The following MAP3K9 variants were observed in gnomAD, a reference collection of about 807,000 sequenced individuals.
MAP3K9 encodes mitogen-activated protein kinase kinase kinase 9, also known as mixed lineage kinase 1 (tyr and ser/thr specificity).
Under a neutral mutation model 95.8 loss-of-function variants are expected in MAP3K9, and 46 were observed. The ratio of observed to expected loss-of-function variants is 0.48; its 90% confidence interval spans 0.38 to 0.61. The LOEUF (loss-of-function observed/expected upper bound fraction) is 0.61. MAP3K9 is among the 20% of genes least tolerant of loss of function. The pLI, the probability that MAP3K9 is intolerant of heterozygous loss-of-function variation, is 0.00. For missense variants in MAP3K9, 1,296 were observed against 1,474.3 expected, an observed-to-expected ratio of 0.88 and a Z score of 1.98; for synonymous variants, 533 against 593.8, an observed-to-expected ratio of 0.90 and a Z score of 1.49.
intron 2 of MAP3K9, among the ~76,000 whole-genome samples, chr14:70,783,748 T>G (rs1251917605): frequency 6.6e-6 from 1 of 152,220 alleles, no homozygotes; most frequent in Non-Finnish European, 1.5e-5. Flanking sequence ...TGCTCACGCA[T>G]GGTCCATTTG....
chr14:70,760,414 A>C (rs1054824720), intron 3 of MAP3K9, among the ~76,000 whole-genome samples: 3 of 152,176 alleles, frequency 2.0e-5, no homozygotes, highest in Non-Finnish European at 4.4e-5. Flanking sequence ...GCGGCTTTGC[A>C]GTTCTGGGCA....
chr14:70,808,398 C>A (rs1205571687), intron 1 of MAP3K9, among the ~76,000 whole-genome samples: 1 of 134,380 alleles, frequency 7.4e-6, no homozygotes, highest in Non-Finnish European at 1.5e-5. Flanking sequence ...CACTAACCAC[C>A]ATCTTGCCAT....
In MAP3K9 at chr14:70,732,896, G is replaced by C. The variant is rs2053929181; in HGVS notation, c.2473C>G (p.Leu825Val). 1.2e-6 allele frequency: 2 copies of C among 1,613,776 alleles called. No homozygotes were observed. Among genetic ancestry groups the C allele is most frequent in the African/African-American group, 1.3e-5 (1 of 74,914 alleles). ...GTCAGGGAGGCAGAGGGGTCTCCTAGCAACAGCATGGGCTCCTCCTTCTTG... is the reference window on the plus strand; with the variant it reads ...GTCAGGGAGGCAGAGGGGTCTCCTACCAACAGCATGGGCTCCTCCTTCTTG... ...LFKKEEPMLL[L>V]GDPSASLTLL... The change falls in exon 11 of 12, where the codon CTA becomes GTA. Residue 825 changes from leucine (L) to valine (V), a missense_variant. Leu to Val is a conservative substitution (Grantham distance 32). Coordinates refer to ENST00000554752, the MANE Select transcript of MAP3K9 (RefSeq NM_001284230.2).
intron 2 of MAP3K9, chr14:70,783,270 GA>G: frequency 3.2e-6 from 3 of 943,684 alleles, no homozygotes; most frequent in Non-Finnish European, 3.8e-6. Context: ...GGTAAGGTGG[GA>G]AGGAAGACGG....
intron 3 of MAP3K9, among the ~76,000 whole-genome samples, chr14:70,750,889 T>C (rs185765376): frequency 6.6e-6 from 1 of 152,304 alleles, no homozygotes; most frequent in Admixed American, 6.5e-5. Context: ...CACAGATACA[T>C]TTTTTCCCCC....
At chr14:70,779,207 G>A (rs1368107180) in intron 2 of MAP3K9, among the ~76,000 whole-genome samples, 1 of 152,234 alleles carries the variant, frequency 6.6e-6, no homozygotes, top group Admixed American at 6.5e-5. Flanking sequence ...TACAGACCCT[G>A]CCAAGGAACT....
intron 2 of MAP3K9, among the ~76,000 whole-genome samples, chr14:70,768,276 C>G (rs990602222): frequency 2.6e-5 from 4 of 151,542 alleles, no homozygotes; most frequent in Non-Finnish European, 5.9e-5. Flanking sequence ...AATATATACA[C>G]CTATTATGTA....
intron 2 of MAP3K9, among the ~76,000 whole-genome samples, chr14:70,786,091 T>TC: frequency 6.6e-6 from 1 of 152,290 alleles, no homozygotes; most frequent in African/African-American, 2.4e-5. Context: ...TAATCTTAAG[T>TC]CATCTGAAGC....
chr14:70,803,273 T>C (rs578074007), intron 1 of MAP3K9, among the ~76,000 whole-genome samples: 1 of 147,546 alleles, frequency 6.8e-6, no homozygotes, highest in South Asian at 2.1e-4. Flanking sequence ...CAGGTATTCC[T>C]TCATAGCAAT....
At position 70,732,894 on chromosome 14, in the gene MAP3K9, T is replaced by C. The variant is rs2053929079; in HGVS notation, c.2475A>G (p.Leu825=). The C allele has an allele frequency of 1.2e-6, 2 of 1,613,818 alleles. No homozygotes were observed. Among genetic ancestry groups the C allele is most frequent in the Non-Finnish European group, 8.5e-7 (1 of 1,179,804 alleles). ...GCGTCAGGGAGGCAGAGGGGTCTCC[T>C]AGCAACAGCATGGGCTCCTCCTTCT... The part of the protein sequence containing the change: ...LFKKEEPMLL[L]GDPSASLTLL... Residue 825 remains leucine (L), a synonymous_variant, in exon 11 of 12, where the codon CTA becomes CTG. Coordinates refer to ENST00000554752, the MANE Select transcript of MAP3K9 (RefSeq NM_001284230.2).
intron 3 of MAP3K9, among the ~76,000 whole-genome samples, chr14:70,752,051 C>T (rs894337664): frequency 6.6e-6 from 1 of 152,182 alleles, no homozygotes; most frequent in African/African-American, 2.4e-5. Flanking sequence ...CAGATGACGG[C>T]TTTACCCCAG....
At chr14:70,770,907 C>T (rs551830322) in intron 2 of MAP3K9, among the ~76,000 whole-genome samples, 9 of 152,154 alleles carry the variant, frequency 5.9e-5, no homozygotes, top group African/African-American at 9.6e-5. Flanking sequence ...AGAAAGGACG[C>T]GTAGGAGGTA....
chr14:70,748,306 C>G (rs1340395491), intron 5 of MAP3K9, among the ~76,000 whole-genome samples: 2 of 151,990 alleles, frequency 1.3e-5, no homozygotes, highest in East Asian at 3.9e-4. Flanking sequence ...GCCACCAAAA[C>G]AAAAAAGCAG....
chr14:70,780,384 T>C (rs1029158124), intron 2 of MAP3K9, among the ~76,000 whole-genome samples: 2 of 152,186 alleles, frequency 1.3e-5, no homozygotes, highest in African/African-American at 2.4e-5. Flanking sequence ...CAACTTTCTA[T>C]GGGAACTTCA....
chr14:70,791,317 G>A (rs2054804715), intron 2 of MAP3K9, among the ~76,000 whole-genome samples: 3 of 152,114 alleles, frequency 2.0e-5, no homozygotes, highest in Admixed American at 2.0e-4. Context: ...ACAAGCTTCT[G>A]CTCCAACTCC....
At chr14:70,748,493 G>A (rs2054180189) in intron 5 of MAP3K9, among the ~76,000 whole-genome samples, 1 of 152,184 alleles carries the variant, frequency 6.6e-6, no homozygotes, top group African/African-American at 2.4e-5. Flanking sequence ...TATCCTCAAG[G>A]TTGAAGTATC....
chr14:70,772,121 G>T, intron 2 of MAP3K9, among the ~76,000 whole-genome samples: 1 of 152,186 alleles, frequency 6.6e-6, no homozygotes, highest in Admixed American at 6.5e-5. Context: ...CTGCGGTGCT[G>T]CCTAGAGATG....
At position 70,809,362 on chromosome 14, in the gene MAP3K9, C is replaced by T. The variant is rs2055041355; in HGVS notation, c.-191G>A. On this transcript the variant is annotated 5_prime_UTR_variant, in exon 1 of 12. Transcript: ENST00000554752. Reference sequence around the variant, plus strand: ...ACCGCGGTACGAGAAGAGCGCCGAGCGCGAGCTCTTCGCGCAGCCTAGGGG... The same window carrying T: ...ACCGCGGTACGAGAAGAGCGCCGAGTGCGAGCTCTTCGCGCAGCCTAGGGG... The T allele has an allele frequency of 1.0e-5, 7 of 672,144 alleles. No individual in the cohort carries two copies. The highest frequency in any genetic ancestry group is 1.5e-5 in the Non-Finnish European group (7 of 478,708). The allele number at this position is 672,144 out of a possible 1,614,324, so 41.6% of individuals were successfully genotyped here.
intron 2 of MAP3K9, among the ~76,000 whole-genome samples, chr14:70,778,451 T>G (rs1052676296): frequency 5.9e-5 from 9 of 152,050 alleles, no homozygotes; most frequent in African/African-American, 2.4e-5. Flanking sequence ...AATTTTTGTG[T>G]TTTTAGCAGA....
Sources: gnomAD v4.1 joint callset for allele counts (sites outside exome capture counted in the v4.1 genomes callset) on GRCh38, gnomAD v4.1.1 for gene constraint, MANE v1.5 for transcripts, NCBI Gene and HGNC (gene_info 2026-07-23, HGNC 2026-07-21) for gene names.